SEZ6L: variants seen among roughly 807,000 people sequenced by gnomAD.
SEZ6L encodes seizure related 6 homolog like.
In SEZ6L, 37 loss-of-function variants were observed where a neutral mutation model predicts 106.2. The ratio of observed to expected loss-of-function variants is 0.35; its 90% CI spans 0.27 to 0.46. The LOEUF (loss-of-function observed/expected upper bound fraction) is 0.46, where lower values mean the gene tolerates loss of function less well. Among genes scored for constraint, SEZ6L ranks in the 20% least tolerant of loss-of-function variants. The pLI, the probability that SEZ6L is intolerant of heterozygous loss-of-function variation, is 1.00. For synonymous variants in SEZ6L, 541 were observed against 570.4 expected, an observed-to-expected ratio of 0.95 and a Z score of 0.73; for missense variants, 1,172 against 1,332.8, an observed-to-expected ratio of 0.88 and a Z score of 1.88.
intron 1 of SEZ6L, among the ~76,000 whole-genome samples, chr22:26,201,151 T>A (rs1940919626): frequency 6.6e-6 from 1 of 152,106 alleles, no homozygotes; most frequent in African/African-American, 2.4e-5. Context: ...GCATGTTTTA[T>A]GCAGCTCAGA....
chr22:26,255,800 T>C (rs737792), intron 1 of SEZ6L, among the ~76,000 whole-genome samples: 32,518 of 152,256 alleles, frequency 0.21, 4,063 homozygotes, highest in South Asian at 0.32. Flanking sequence ...GGCTTGGTGC[T>C]AGTCACTGGG....
intron 5 of SEZ6L, among the ~76,000 whole-genome samples, chr22:26,305,674 G>T (rs1191557592): frequency 6.6e-6 from 1 of 152,214 alleles, no homozygotes; most frequent in African/African-American, 2.4e-5. Context: ...CCACAGAACT[G>T]TCGTTAAATT....
intron 11 of SEZ6L, among the ~76,000 whole-genome samples, chr22:26,349,427 A>G (rs1293549081): frequency 6.6e-6 from 1 of 152,238 alleles, no homozygotes; most frequent in Non-Finnish European, 1.5e-5. Context: ...ATCTTTGATG[A>G]TGTTACTCTT....
chr22:26,277,925 T>C (rs543271964), intron 1 of SEZ6L, among the ~76,000 whole-genome samples: 1 of 152,242 alleles, frequency 6.6e-6, no homozygotes, highest in South Asian at 2.1e-4. Flanking sequence ...GAGTTAAGAA[T>C]TAAGGAAAGG....
chr22:26,340,348 T>G (rs2082788167), intron 9 of SEZ6L, 88 bp from the exon 10 acceptor site: 1 of 1,313,816 alleles, frequency 7.6e-7, no homozygotes, highest in Non-Finnish European at 1.1e-6. Flanking sequence ...ACTTAACAAA[T>G]TTTGTATTGC....
chr22:26,379,737 G>A (rs2084353371), intron 16 of SEZ6L, among the ~76,000 whole-genome samples: 1 of 152,222 alleles, frequency 6.6e-6, no homozygotes, highest in Non-Finnish European at 1.5e-5. Flanking sequence ...ATGGGAAAAG[G>A]TCAGACTGAA....
intron 9 of SEZ6L, among the ~76,000 whole-genome samples, chr22:26,314,814 A>G (rs1179780991): frequency 6.6e-6 from 1 of 152,216 alleles, no homozygotes; most frequent in Non-Finnish European, 1.5e-5. Context: ...CCCCCCTGGG[A>G]GGTCATTAAC....
At chr22:26,370,727 G>T (rs1225143998) in intron 13 of SEZ6L, among the ~76,000 whole-genome samples, 1 of 152,036 alleles carries the variant, frequency 6.6e-6, no homozygotes, top group African/African-American at 2.4e-5. Flanking sequence ...AAAAAGGCTG[G>T]GTGTGGTGGC....
chr22:26,259,171 A>G (rs2079919652), intron 1 of SEZ6L, among the ~76,000 whole-genome samples: 1 of 152,212 alleles, frequency 6.6e-6, no homozygotes, highest in Admixed American at 6.5e-5. Flanking sequence ...GAGAAGAAAA[A>G]TATTTTTCAT....
chr22:26,305,811 C>T (rs1459060472), intron 5 of SEZ6L, among the ~76,000 whole-genome samples, 168 bp from the exon 6 acceptor site: 1 of 152,208 alleles, frequency 6.6e-6, no homozygotes, highest in Non-Finnish European at 1.5e-5. Context: ...CGGTTTCCTC[C>T]CGCTCCAGGT....
intron 9 of SEZ6L, among the ~76,000 whole-genome samples, chr22:26,316,738 A>G (rs2082007211): frequency 6.6e-6 from 1 of 151,974 alleles, no homozygotes; most frequent in Non-Finnish European, 1.5e-5. Context: ...AGGCTGAGGC[A>G]AGAGAATCAC....
intron 1 of SEZ6L, among the ~76,000 whole-genome samples, chr22:26,285,707 G>C (rs2080914236): frequency 6.6e-6 from 1 of 152,222 alleles, no homozygotes; most frequent in Admixed American, 6.5e-5. Flanking sequence ...CAGCAAAAAT[G>C]ATCCAGCCTA....
intron 1 of SEZ6L, among the ~76,000 whole-genome samples, chr22:26,241,051 G>T (rs903498972): frequency 6.6e-6 from 1 of 152,190 alleles, no homozygotes; most frequent in Non-Finnish European, 1.5e-5. Context: ...AGAGAAGAGT[G>T]TCCAGGCAGG....
At chr22:26,314,006 A>G in intron 9 of SEZ6L, 104 bp downstream of exon 9, 1 of 1,229,248 alleles carries the variant, frequency 8.1e-7, no homozygotes, top group Non-Finnish European at 1.2e-6. Flanking sequence ...CTAAGCATCT[A>G]CTATGTGCCG....
intron 9 of SEZ6L, among the ~76,000 whole-genome samples, chr22:26,323,937 T>TAGTC (rs2082227069): frequency 6.6e-6 from 1 of 152,132 alleles, no homozygotes; most frequent in African/African-American, 2.4e-5. Flanking sequence ...TCAGTGTGAC[T>TAGTC]ACTCCTTTGT....
At chr22:26,231,004 G>C (rs560729076) in intron 1 of SEZ6L, among the ~76,000 whole-genome samples, 1 of 152,208 alleles carries the variant, frequency 6.6e-6, no homozygotes, top group Non-Finnish European at 1.5e-5. Flanking sequence ...GCTTAGCCCA[G>C]GAGGGTTCTT....
At position 26,178,290 on chromosome 22, in the gene SEZ6L, T is replaced by C. The variant is rs556064754; in HGVS notation, c.94+8527T>C. ...CGGGGAATGGTGCCATCCAAGCATC[T>C]GGCTTGAGTCAAGCAAGCAAGAGTT... is the stretch of plus-strand genomic sequence containing the variant. On this transcript the variant is annotated intron_variant, in intron 1 of 16. Transcript: ENST00000248933. 3.9e-5 allele frequency among the ~76,000 whole-genome samples: 6 copies of C among 152,322 alleles called. 1 individual carries two copies. The highest frequency in any genetic ancestry group is 3.9e-4 in the Admixed American group (6 of 15,306).
intron 1 of SEZ6L, among the ~76,000 whole-genome samples, chr22:26,208,045 G>A (rs1365416633): frequency 6.6e-6 from 1 of 151,922 alleles, no homozygotes; most frequent in Non-Finnish European, 1.5e-5. Flanking sequence ...GTGTAGCTGG[G>A]ACTACAGGCG....
intron 1 of SEZ6L, among the ~76,000 whole-genome samples, chr22:26,243,639 T>C (rs1207403): frequency 0.24 from 37,028 of 152,134 alleles, 4,832 homozygotes; most frequent in South Asian, 0.33. Context: ...TTTTCAGCCA[T>C]GGAGCGACCT....
Sources: allele counts gnomAD v4.1 joint callset (sites outside exome capture counted in the v4.1 genomes callset), GRCh38; gene constraint gnomAD v4.1.1; transcripts MANE v1.5; gene names NCBI Gene and HGNC (gene_info 2026-07-23, HGNC 2026-07-21).